The following SYNE1 variants were observed in gnomAD, a reference collection of about 807,000 sequenced individuals.
SYNE1 encodes the protein nesprin-1.
A neutral mutation model predicts 1,111.0 loss-of-function variants in SYNE1; 616 were observed. That is an observed-to-expected ratio of 0.55 (90% confidence interval 0.52 to 0.59). The LOEUF (loss-of-function observed/expected upper bound fraction) is 0.59. Ranked by LOEUF, SYNE1 falls within the 20% of genes least tolerant of loss-of-function variation. The pLI, the probability that SYNE1 is intolerant of heterozygous loss-of-function variation, is 0.00. For missense variants in SYNE1, 10,006 were observed against 10,417.0 expected, an observed-to-expected ratio of 0.96 and a Z score of 1.72; for synonymous variants, 3,855 against 3,825.8, an observed-to-expected ratio of 1.01 and a Z score of -0.28.
At chr6:152,213,299 TCTAA>T (rs111559477) in intron 123 of SYNE1, among the ~76,000 whole-genome samples, 5 of 152,314 alleles carry the variant, frequency 3.3e-5, no homozygotes, top group African/African-American at 9.6e-5. Context: ...TTGAAAATTG[TCTAA>T]CTATCTATAC....
At chr6:152,277,576 C>A (rs912401124) in intron 98 of SYNE1, 1 of 177,638 alleles carries the variant, frequency 5.6e-6, no homozygotes, top group Non-Finnish European at 1.2e-5. Context: ...GCGTGAGCCA[C>A]GGCGCCCTGC....
At chr6:152,154,514 G>A (rs1191629775) in intron 133 of SYNE1, among the ~76,000 whole-genome samples, 1 of 149,398 alleles carries the variant, frequency 6.7e-6, no homozygotes, top group Non-Finnish European at 1.5e-5. Flanking sequence ...ATACAAAAAT[G>A]TATGTGGAAG....
intron 11 of SYNE1, among the ~76,000 whole-genome samples, chr6:152,494,061 T>G (rs2098986249): frequency 6.6e-6 from 1 of 152,232 alleles, no homozygotes; most frequent in African/African-American, 2.4e-5. Flanking sequence ...GACTGCACTC[T>G]GTAGCCTTTC....
At chr6:152,532,994 T>C (rs1446067702) in intron 4 of SYNE1, among the ~76,000 whole-genome samples, 1 of 152,148 alleles carries the variant, frequency 6.6e-6, no homozygotes, top group Non-Finnish European at 1.5e-5. Flanking sequence ...TGTATCAAAA[T>C]GCCAAAGTAT....
chr6:152,535,332 A>G (rs1240404773), intron 4 of SYNE1, among the ~76,000 whole-genome samples: 1 of 152,208 alleles, frequency 6.6e-6, no homozygotes, highest in African/African-American at 2.4e-5. Context: ...ATAATGTTTT[A>G]TAAATTTTTT....
intron 6 of SYNE1, among the ~76,000 whole-genome samples, chr6:152,517,364 C>T (rs2099117292): frequency 6.6e-6 from 1 of 152,162 alleles, no homozygotes. Context: ...TCAATTCCCA[C>T]AAATTAGAAA....
At chr6:152,593,416 C>G (rs952792877) in intron 3 of SYNE1, among the ~76,000 whole-genome samples, 7 of 152,066 alleles carry the variant, frequency 4.6e-5, no homozygotes, top group African/African-American at 1.7e-4. Flanking sequence ...AACCCCATCT[C>G]AACTAAAACT....
At chr6:152,609,659 A>T (rs2099625731) in intron 3 of SYNE1, among the ~76,000 whole-genome samples, 1 of 152,006 alleles carries the variant, frequency 6.6e-6, no homozygotes, top group African/African-American at 2.4e-5. Flanking sequence ...GAAAGGACAG[A>T]CTGTCTCCTC....
Position 152,350,208 on chromosome 6 carries a change from C to G in SYNE1, c.11861G>C (p.Ser3954Thr), listed in dbSNP as rs7775119. 10,524 of 1,613,846 alleles carry G rather than the reference C, an allele frequency of 6.5e-3. 596 individuals are homozygous for G. In the African/African-American group the frequency reaches 0.12, roughly 19 times the overall value. The change falls in exon 72 of 146, where the codon AGC (serine) becomes ACC (threonine). Residue 3954 changes from serine (S) to threonine (T), a missense_variant. Physicochemically the swap from Ser to Thr is moderately conservative, Grantham distance 58. Around this residue, in one of 7 missense-constraint regions of SYNE1, gnomAD observed 4,955 missense variants for 5,017.2 expected, o/e 0.99. Transcript: ENST00000367255. ...RLVAPDLLETSSLETITQQLA... is the reference protein window; with the variant it reads ...RLVAPDLLETTSLETITQQLA... ...TTGCTGGGTGATTGTCTCCAGGCTG[C>G]TTGTCTCCAGGAGGTCAGGTGCCAC...
intron 11 of SYNE1, among the ~76,000 whole-genome samples, chr6:152,497,915 T>C (rs1347159891): frequency 6.6e-6 from 1 of 152,222 alleles, no homozygotes; most frequent in Admixed American, 6.5e-5. Flanking sequence ...CTACTTTTTC[T>C]TTCACTTTAT....
chr6:152,501,736 C>CAAAAAAAAAAAAAAAAAAAAAAA (rs1232051419), intron 10 of SYNE1, among the ~76,000 whole-genome samples: 1 of 90,076 alleles, frequency 1.1e-5, no homozygotes. Context: ...CTCCATCTCA[C>CAAAAAAAAAAAAAAAAAAAAAAA]AAAAAAAAAA....
At chr6:152,626,003 T>C (rs1046874992) in intron 3 of SYNE1, among the ~76,000 whole-genome samples, 1 of 152,224 alleles carries the variant, frequency 6.6e-6, no homozygotes, top group Non-Finnish European at 1.5e-5. Context: ...GGGCATCCAC[T>C]GTCACAGGCC....
At chr6:152,401,551 G>A (rs541512552) in intron 46 of SYNE1, among the ~76,000 whole-genome samples, 21 of 152,316 alleles carry the variant, frequency 1.4e-4, no homozygotes, top group African/African-American at 4.8e-4. Flanking sequence ...AAAGAGGAAG[G>A]ATTGTGTTAA....
At chr6:152,163,567 A>G (rs568276817) in intron 131 of SYNE1, among the ~76,000 whole-genome samples, 2 of 151,830 alleles carry the variant, frequency 1.3e-5, no homozygotes, top group Non-Finnish European at 2.9e-5. Context: ...TCTTCTGTAT[A>G]CATTTTCCAG....
intron 98 of SYNE1, among the ~76,000 whole-genome samples, chr6:152,275,748 G>T (rs1264424166): frequency 6.6e-6 from 1 of 151,626 alleles, no homozygotes; most frequent in African/African-American, 2.4e-5. Flanking sequence ...TAGGCAGGTG[G>T]TGCGCGCCTA....
chr6:152,622,856 AG>A (rs1394870813), intron 3 of SYNE1, among the ~76,000 whole-genome samples: 4 of 152,096 alleles, frequency 2.6e-5, no homozygotes, highest in Admixed American at 6.6e-5. Flanking sequence ...TCTTCCACAA[AG>A]GTTGAACTAA....
At chr6:152,365,141 A>T in intron 62 of SYNE1, 122 bp from the exon 63 acceptor site, 1 of 1,250,736 alleles carries the variant, frequency 8.0e-7, no homozygotes, top group Non-Finnish European at 1.1e-6. Flanking sequence ...TGGAGCTCCC[A>T]GTCGGCTGAG....
chr6:152,609,023 G>T (rs1458697888), intron 3 of SYNE1, among the ~76,000 whole-genome samples: 3 of 152,066 alleles, frequency 2.0e-5, no homozygotes, highest in African/African-American at 7.2e-5. Context: ...AATAGGAAGA[G>T]CTCCAGTCTG....
chr6:152,264,537 C>T (rs181473549), intron 100 of SYNE1, among the ~76,000 whole-genome samples: 30 of 152,208 alleles, frequency 2.0e-4, no homozygotes, highest in African/African-American at 7.2e-4. Flanking sequence ...TGGCTCACAC[C>T]TGTAATCCCA....
Sources: gnomAD v4.1 joint callset for allele counts (sites outside exome capture counted in the v4.1 genomes callset) on GRCh38, gnomAD v4.1.1 for gene constraint, gnomAD v4.1.1 regional missense constraint, MANE v1.5 for transcripts, NCBI Gene and HGNC (gene_info 2026-07-23, HGNC 2026-07-21) for gene names.